Variants in RIMS4 observed in about 807,000 individuals in gnomAD.
The protein encoded by RIMS4 is regulating synaptic membrane exocytosis protein 4.
Under a neutral mutation model 29.0 loss-of-function variants are expected in RIMS4, and 9 were observed. That is an observed-to-expected ratio of 0.31 (90% CI 0.19 to 0.54). The LOEUF (loss-of-function observed/expected upper bound fraction) is 0.54, where lower values mean the gene tolerates loss of function less well. Ranked by LOEUF, RIMS4 falls within the 20% of genes least tolerant of loss-of-function variation. The probability of loss-of-function intolerance (pLI) is 0.94; values close to 1 mark genes in which losing one functional copy is unlikely to be tolerated. For synonymous variants in RIMS4, 130 were observed against 152.9 expected (o/e 0.85, Z 1.10); for missense variants, 193 against 365.7 (o/e 0.53, Z 3.85).
rs561531813 is a variant in RIMS4 at position 44,798,700 on chromosome 20, G to A, written c.97+11475C>T. 2.6e-5 allele frequency among the ~76,000 whole-genome samples: 4 copies of A among 152,312 alleles called. No individual in the cohort carries two copies. The East Asian group carries it at 5.8e-4, about 22-fold the overall frequency. ...AGTTATGCCCTCGGGGGACTACCCT[G>A]CTATAGGAGTACCGAAGCCTAGTCA... On this transcript the variant is annotated intron_variant, in intron 1 of 5. Coordinates refer to ENST00000372851, the MANE Select transcript of RIMS4 (RefSeq NM_182970.4).
At chr20:44,787,384 T>C (rs1283477127) in intron 1 of RIMS4, among the ~76,000 whole-genome samples, 2 of 152,212 alleles carry the variant, frequency 1.3e-5, no homozygotes, top group Non-Finnish European at 1.5e-5. Context: ...GGTGCTATGC[T>C]ACTCAATTAA....
rs1190425650 is a variant in RIMS4 at position 44,752,458 on chromosome 20, TAA to T, written c.*3674_*3675del. ...AAGCCACCTGCTCCACCTCTGGGTG[TAA>T]AAGAGTGAGCTCTGGGCTGTTGGAG... is the stretch of plus-strand genomic sequence containing the variant. On this transcript the variant is annotated 3_prime_UTR_variant, in exon 6 of 6. Transcript: ENST00000372851. The T allele has an allele frequency of 6.6e-5, 10 of 152,172 alleles. No individual in the cohort carries two copies. Among genetic ancestry groups the T allele is most frequent in the Admixed American group, 5.9e-4 (9 of 15,276 alleles). The allele number at this position is 152,172 out of a possible 1,614,324, so 9.4% of individuals were successfully genotyped here.
chr20:44,793,210 A>G (rs1205172127), intron 1 of RIMS4, among the ~76,000 whole-genome samples: 1 of 152,206 alleles, frequency 6.6e-6, no homozygotes, highest in African/African-American at 2.4e-5. Context: ...GGCCCCTCCA[A>G]GATTGTGCGG....
chr20:44,757,226 G>A (rs1479015769), intron 4 of RIMS4, among the ~76,000 whole-genome samples, 189 bp from the exon 5 acceptor site: 1 of 151,970 alleles, frequency 6.6e-6, no homozygotes, highest in African/African-American at 2.4e-5. Flanking sequence ...CTTGGGTGCA[G>A]CCTGCCCCAC....
At chr20:44,760,621 C>A (rs1198103694) in intron 2 of RIMS4, among the ~76,000 whole-genome samples, 1 of 152,172 alleles carries the variant, frequency 6.6e-6, no homozygotes, top group Non-Finnish European at 1.5e-5. Flanking sequence ...TAATAGCAGC[C>A]AATGCTACTG....
chr20:44,785,287 G>C (rs1004799604), intron 1 of RIMS4, among the ~76,000 whole-genome samples: 2 of 151,052 alleles, frequency 1.3e-5, no homozygotes, highest in African/African-American at 4.9e-5. Context: ...GGAGTGCAGT[G>C]GCACAATCAC....
At chr20:44,766,040 GAC>G (rs781417803) in intron 2 of RIMS4, among the ~76,000 whole-genome samples, 4 of 152,224 alleles carry the variant, frequency 2.6e-5, no homozygotes, top group Non-Finnish European at 4.4e-5. Context: ...GGGACAGACA[GAC>G]ACACATGTGA....
chr20:44,781,440 T>C (rs114211933), intron 1 of RIMS4, among the ~76,000 whole-genome samples: 85 of 152,342 alleles, frequency 5.6e-4, no homozygotes, highest in African/African-American at 1.9e-3. Context: ...TGAATTATAC[T>C]TGATTGCAAA....
At chr20:44,803,680 G>A (rs1381281758) in intron 1 of RIMS4, among the ~76,000 whole-genome samples, 1 of 152,176 alleles carries the variant, frequency 6.6e-6, no homozygotes, top group Non-Finnish European at 1.5e-5. Flanking sequence ...GAAAAAAGGG[G>A]AGGGGGGATG....
At chr20:44,762,439 G>C (rs2066089830) in intron 2 of RIMS4, among the ~76,000 whole-genome samples, 1 of 152,186 alleles carries the variant, frequency 6.6e-6, no homozygotes, top group Non-Finnish European at 1.5e-5. Flanking sequence ...AAAAGCCTGA[G>C]AAATGGTGGG....
chr20:44,757,775 G>C lies in RIMS4; in HGVS notation c.350-4C>G. ...TGCAGACCGATCTCCACATCCCCTG[G>C]AAGAGGCACCAAGAGATGAGACTGG... is the stretch of plus-strand genomic sequence containing the variant. On this transcript the variant is annotated splice_region_variant and splice_polypyrimidine_tract_variant and intron_variant, in intron 3 of 5. Transcript: ENST00000372851. 6.2e-7 allele frequency: 1 copy of C among 1,611,624 alleles called. No individual in the cohort carries two copies. Among genetic ancestry groups the C allele is most frequent in the Non-Finnish European group, 8.5e-7 (1 of 1,177,914 alleles).
chr20:44,772,170 T>A (rs1005788434), intron 1 of RIMS4, among the ~76,000 whole-genome samples: 5 of 152,102 alleles, frequency 3.3e-5, no homozygotes, highest in Non-Finnish European at 2.9e-5. Flanking sequence ...CGCCCACTCC[T>A]TCCATTCTGT....
intron 2 of RIMS4, among the ~76,000 whole-genome samples, chr20:44,764,191 T>TCCATCCATCCATCCACCCATCCATCC (rs2066102033): frequency 1.9e-4 from 2 of 10,516 alleles, no homozygotes; most frequent in African/African-American, 6.5e-4. Flanking sequence ...TCCATCCATT[T>TCCATCCATCCATCCACCCATCCATCC]ATCCATCCAT....
At position 44,754,527 on chromosome 20, in the gene RIMS4, T is replaced by C. The variant is rs953433534; in HGVS notation, c.*1607A>G. On this transcript the variant is annotated 3_prime_UTR_variant, in exon 6 of 6. Coordinates refer to ENST00000372851, the MANE Select transcript of RIMS4 (RefSeq NM_182970.4). ...TCCTACAACCCTTAGGAGTCCCTCA[T>C]AAAGAAAGTCAGTACCAAGAATAAT... is the stretch of plus-strand genomic sequence containing the variant. 12 of 154,450 alleles carry C rather than the reference T, an allele frequency of 7.8e-5. No homozygotes were observed. Among genetic ancestry groups the C allele is most frequent in the African/African-American group, 2.4e-4 (10 of 41,524 alleles). The allele number at this position is 154,450 out of a possible 1,614,324, so 9.6% of individuals were successfully genotyped here.
At chr20:44,762,441 A>G (rs1386154886) in intron 2 of RIMS4, among the ~76,000 whole-genome samples, 1 of 152,018 alleles carries the variant, frequency 6.6e-6, no homozygotes, top group Non-Finnish European at 1.5e-5. Context: ...AAGCCTGAGA[A>G]ATGGTGGGGG....
At chr20:44,781,240 A>T (rs1212473758) in intron 1 of RIMS4, among the ~76,000 whole-genome samples, 2 of 152,210 alleles carry the variant, frequency 1.3e-5, no homozygotes, top group African/African-American at 4.8e-5. Context: ...TTAAACCCAG[A>T]CCTTGCTGAA....
At chr20:44,758,509 A>G (rs933846764) in intron 2 of RIMS4, among the ~76,000 whole-genome samples, 1 of 152,204 alleles carries the variant, frequency 6.6e-6, no homozygotes, top group African/African-American at 2.4e-5. Context: ...GCTGCACTGC[A>G]AACGGCTCTA....
chr20:44,776,021 G>A (rs931917982), intron 1 of RIMS4, among the ~76,000 whole-genome samples: 4 of 150,892 alleles, frequency 2.7e-5, no homozygotes, highest in South Asian at 2.1e-4. Context: ...GCTCATGCCC[G>A]TAATCCCAGC....
At chr20:44,805,161 C>G (rs1024894612) in intron 1 of RIMS4, among the ~76,000 whole-genome samples, 2 of 151,804 alleles carry the variant, frequency 1.3e-5, no homozygotes, top group Non-Finnish European at 2.9e-5. Flanking sequence ...AGAAAATTAG[C>G]CAGGGGTGGT....
Sources: allele counts gnomAD v4.1 joint callset (sites outside exome capture counted in the v4.1 genomes callset), GRCh38; gene constraint gnomAD v4.1.1; transcripts MANE v1.5; gene names NCBI Gene and HGNC (gene_info 2026-07-23, HGNC 2026-07-21).